The following DOCK5 variants were observed in gnomAD, a reference collection of about 807,000 sequenced individuals.
DOCK5 encodes dedicator of cytokinesis protein 5.
Under a neutral mutation model 251.8 loss-of-function variants are expected in DOCK5, and 142 were observed. The ratio of observed to expected loss-of-function variants is 0.56; its 90% CI spans 0.49 to 0.65. The LOEUF (loss-of-function observed/expected upper bound fraction) is 0.65. Ranked by LOEUF, DOCK5 falls within the 30% of genes least tolerant of loss-of-function variation. The pLI is 0.00. For synonymous variants in DOCK5, 842 were observed against 835.5 expected (o/e 1.01, Z -0.13); for missense variants, 2,111 against 2,312.3 (o/e 0.91, Z 1.79).
chr8:25,239,885 C>T (rs553418268), intron 1 of DOCK5, among the ~76,000 whole-genome samples: 1 of 152,246 alleles, frequency 6.6e-6, no homozygotes, highest in Admixed American at 6.5e-5. Flanking sequence ...GAGAGCACTA[C>T]TTGGATGACT....
chr8:25,345,686 C>A (rs530964334), intron 26 of DOCK5, 75 bp downstream of exon 26: 103 of 1,563,358 alleles, frequency 6.6e-5, no homozygotes, highest in Non-Finnish European at 8.3e-5. Context: ...GACTCCGTGG[C>A]CTTCCTATTC....
intron 1 of DOCK5, among the ~76,000 whole-genome samples, chr8:25,203,436 C>T (rs1801926225): frequency 6.6e-6 from 1 of 152,174 alleles, no homozygotes; most frequent in Non-Finnish European, 1.5e-5. Flanking sequence ...TTTGAGGCTA[C>T]AGAAGAATTC....
At chr8:25,335,648 G>A (rs766757710) in intron 21 of DOCK5, among the ~76,000 whole-genome samples, 1 of 152,126 alleles carries the variant, frequency 6.6e-6, no homozygotes, top group Non-Finnish European at 1.5e-5. Flanking sequence ...CTAAGGGATA[G>A]CACAAAATGA....
At chr8:25,328,765 A>T (rs932432960) in intron 18 of DOCK5, among the ~76,000 whole-genome samples, 3 of 152,220 alleles carry the variant, frequency 2.0e-5, no homozygotes, top group African/African-American at 7.2e-5. Flanking sequence ...GCCCACTGGA[A>T]GGTAAGAATA....
chr8:25,294,935 A>G (rs1804581487), intron 6 of DOCK5, among the ~76,000 whole-genome samples: 2 of 152,078 alleles, frequency 1.3e-5, no homozygotes, highest in Non-Finnish European at 2.9e-5. Context: ...GAACAGCACC[A>G]AAGGGATGGT....
At chr8:25,285,150 TA>T (rs1370496889) in intron 5 of DOCK5, among the ~76,000 whole-genome samples, 59 of 150,140 alleles carry the variant, frequency 3.9e-4, no homozygotes, top group African/African-American at 1.2e-3. Flanking sequence ...AATTTATTAT[TA>T]TTTTTTTTTT....
intron 1 of DOCK5, among the ~76,000 whole-genome samples, chr8:25,218,249 G>A (rs1802299067): frequency 6.6e-6 from 1 of 152,150 alleles, no homozygotes. Flanking sequence ...TTAAGTGACA[G>A]GGACTCTCCT....
intron 12 of DOCK5, among the ~76,000 whole-genome samples, chr8:25,309,718 G>C (rs1171541475): frequency 6.6e-6 from 1 of 152,092 alleles, no homozygotes; most frequent in Non-Finnish European, 1.5e-5. Flanking sequence ...CTACTGGGAA[G>C]GCTAAGGCAT....
chr8:25,339,246 A>G (rs1166024393), intron 22 of DOCK5, among the ~76,000 whole-genome samples: 3 of 152,188 alleles, frequency 2.0e-5, no homozygotes, highest in Non-Finnish European at 4.4e-5. Context: ...TTTCACCTCA[A>G]TCAGCAAAAC....
chr8:25,245,005 T>C (rs1244380863), intron 2 of DOCK5, among the ~76,000 whole-genome samples: 1 of 152,232 alleles, frequency 6.6e-6, no homozygotes, highest in African/African-American at 2.4e-5. Flanking sequence ...AGTCGCCTTA[T>C]CTTTTCCAGA....
chr8:25,222,503 G>A (rs887244576), intron 1 of DOCK5, among the ~76,000 whole-genome samples: 4 of 152,094 alleles, frequency 2.6e-5, no homozygotes, highest in South Asian at 2.1e-4. Flanking sequence ...GATATGCCCC[G>A]TCTCTAGCTG....
At chr8:25,241,570 C>T (rs1200160357) in intron 1 of DOCK5, among the ~76,000 whole-genome samples, 2 of 152,042 alleles carry the variant, frequency 1.3e-5, no homozygotes, top group Admixed American at 6.6e-5. Flanking sequence ...TAAACTAGTT[C>T]AATCATTGTG....
At position 25,215,932 on chromosome 8, in the gene DOCK5, TACACACACACACAC is replaced by T. The variant is rs199685009; in HGVS notation, c.44-27715_44-27702del. 1.7e-3 allele frequency among the ~76,000 whole-genome samples: 237 copies of T among 141,262 alleles called. 1 individual carries two copies. Among genetic ancestry groups the T allele is most frequent in the African/African-American group, 5.6e-3 (217 of 39,046 alleles). 92.7% of individuals were successfully genotyped at this position (141,262 alleles called of 152,430 possible). Reference sequence around the variant, plus strand: ...AATCTTTTCAAATCCTGGAAATAAATACACACACACACACACACACACACACACACACACACACA... The same window carrying T: ...AATCTTTTCAAATCCTGGAAATAAATACACACACACACACACACACACACA... On this transcript the variant is annotated intron_variant, in intron 1 of 51. Coordinates refer to ENST00000276440, the MANE Select transcript of DOCK5 (RefSeq NM_024940.8).
In DOCK5 at chr8:25,407,377, C is replaced by G. The variant is rs148603679; in HGVS notation, c.5094-606C>G. Among the ~76,000 whole-genome samples the G allele has an allele frequency of 2.0e-3, 309 of 152,190 alleles. 1 individual carries two copies. Among genetic ancestry groups the G allele is most frequent in the African/African-American group, 7.1e-3 (296 of 41,524 alleles). On this transcript the variant is annotated intron_variant, in intron 48 of 51. Coordinates refer to ENST00000276440, the MANE Select transcript of DOCK5 (RefSeq NM_024940.8). ...GCTCTTACCCACTACATAAAACTGT[C>G]TATTGAATCTCTTACTTTAAAGATT...
At chr8:25,306,873 T>C (rs1048152306) in intron 11 of DOCK5, among the ~76,000 whole-genome samples, 2 of 152,082 alleles carry the variant, frequency 1.3e-5, no homozygotes, top group African/African-American at 2.4e-5. Context: ...GTAGACAACA[T>C]AGAGTGTACT....
At chr8:25,222,873 C>T (rs1484971510) in intron 1 of DOCK5, among the ~76,000 whole-genome samples, 2 of 152,176 alleles carry the variant, frequency 1.3e-5, no homozygotes, top group Admixed American at 6.5e-5. Flanking sequence ...GTGTCTTGCA[C>T]GCTTGGTGCC....
intron 1 of DOCK5, among the ~76,000 whole-genome samples, chr8:25,222,237 T>C (rs1471999808): frequency 6.6e-6 from 1 of 152,228 alleles, no homozygotes; most frequent in Admixed American, 6.5e-5. Flanking sequence ...TATGGATTTG[T>C]CTTTCTTTGA....
intron 22 of DOCK5, among the ~76,000 whole-genome samples, chr8:25,338,323 G>A (rs1356795915): frequency 1.3e-5 from 2 of 152,186 alleles, no homozygotes; most frequent in Non-Finnish European, 2.9e-5. Flanking sequence ...TTACAGGCGT[G>A]AGCCACCGTG....
At chr8:25,277,380 C>T (rs1804069875) in intron 4 of DOCK5, 1 of 152,596 alleles carries the variant, frequency 6.6e-6, no homozygotes, top group South Asian at 1.9e-4. Context: ...AACCAATCAT[C>T]AGAACACATT....
Sources: gnomAD v4.1 joint callset for allele counts (sites outside exome capture counted in the v4.1 genomes callset) on GRCh38, gnomAD v4.1.1 for gene constraint, MANE v1.5 for transcripts, NCBI Gene and HGNC (gene_info 2026-07-23, HGNC 2026-07-21) for gene names.